TAS1R1: variants seen among roughly 807,000 people sequenced by gnomAD.
TAS1R1 encodes the protein taste receptor type 1 member 1.
In TAS1R1, 31 loss-of-function variants were observed where a neutral mutation model predicts 45.8. The ratio of observed to expected loss-of-function variants is 0.68; its 90% CI spans 0.51 to 0.91. The LOEUF is 0.91. Ranked by LOEUF, TAS1R1 falls within the 40% of genes least tolerant of loss-of-function variation. TAS1R1 has a pLI of 0.00. For synonymous variants in TAS1R1, 437 were observed against 448.4 expected, an observed-to-expected ratio of 0.97 and a Z score of 0.32; for missense variants, 1,051 against 1,063.9, an observed-to-expected ratio of 0.99 and a Z score of 0.17.
At chr1:6,573,520 C>A (rs1037872381) in intron 2 of TAS1R1, among the ~76,000 whole-genome samples, 1 of 152,108 alleles carries the variant, frequency 6.6e-6, no homozygotes, top group Non-Finnish European at 1.5e-5. Context: ...TTAGGGACTC[C>A]CTGTGGCTTA....
intron 1 of TAS1R1, among the ~76,000 whole-genome samples, chr1:6,558,098 G>A (rs1285341790): frequency 1.3e-5 from 2 of 149,328 alleles, no homozygotes. Context: ...TCATACTGGA[G>A]TCCAGTGGTA....
intron 1 of TAS1R1, among the ~76,000 whole-genome samples, chr1:6,565,000 G>C (rs913829106): frequency 6.6e-6 from 1 of 151,998 alleles, no homozygotes; most frequent in South Asian, 2.1e-4. Context: ...TGAATAGGTG[G>C]GGGGAGGAGA....
At chr1:6,556,730 G>C (rs999278087) in intron 1 of TAS1R1, among the ~76,000 whole-genome samples, 1 of 151,918 alleles carries the variant, frequency 6.6e-6, no homozygotes, top group Non-Finnish European at 1.5e-5. Context: ...GACAGTTGCA[G>C]CCGAGCACAG....
Position 6,575,170 on chromosome 1 carries a change from GA to G in TAS1R1, c.1040del (p.Lys347ArgfsTer37), listed in dbSNP as rs1640130599. On this transcript the variant is annotated frameshift_variant, in exon 3 of 6. Transcript: ENST00000333172. LOFTEE classifies it high-confidence loss of function. Reference protein sequence around the residue: ...FEEAYARADKKAPRPCHKGSW... With the variant: ...FEEAYARADKXAPRPCHKGSW... Reference sequence around the variant, plus strand: ...AAGAAGCCTATGCCCGGGCAGACAAGAAGGCCCCTAGGCCTTGCCACAAGGG... The same window carrying G: ...AAGAAGCCTATGCCCGGGCAGACAAGAGGCCCCTAGGCCTTGCCACAAGGG... 1.3e-6 allele frequency: 2 copies of G among 1,598,216 alleles called. No homozygotes were observed. Among genetic ancestry groups the G allele is most frequent in the Non-Finnish European group, 8.5e-7 (1 of 1,173,530 alleles).
intron 1 of TAS1R1, among the ~76,000 whole-genome samples, chr1:6,561,575 G>A (rs1302082126): frequency 6.6e-6 from 1 of 152,106 alleles, no homozygotes; most frequent in African/African-American, 2.4e-5. Flanking sequence ...AGCTGGACAT[G>A]GTGGTGGGCG....
At chr1:6,567,412 T>C (rs1394097953) in intron 1 of TAS1R1, among the ~76,000 whole-genome samples, 1 of 151,830 alleles carries the variant, frequency 6.6e-6, no homozygotes, top group Non-Finnish European at 1.5e-5. Flanking sequence ...TACAAAAAAT[T>C]AGCCAGGCGT....
intron 4 of TAS1R1, 30 bp from the exon 5 acceptor site, chr1:6,576,920 C>G: frequency 6.2e-7 from 1 of 1,614,186 alleles, no homozygotes; most frequent in Non-Finnish European, 8.5e-7. Flanking sequence ...GACTTGGGCC[C>G]CTACGTGTGG....
rs190670452 is a variant in TAS1R1, at chr1:6,565,077, G to C, written c.192-5832G>C. On this transcript the variant is annotated intron_variant, in intron 1 of 5. Transcript: ENST00000333172. ...TGGAAGGATTAGTGAGGAGATGTTA[G>C]AATTTCTATGAATAACTTCAGGATT... Among the ~76,000 whole-genome samples the C allele has an allele frequency of 5.9e-5, 9 of 152,220 alleles. No homozygotes were observed. The East Asian group carries it at 1.5e-3, about 26-fold the overall frequency.
chr1:6,560,018 G>C (rs897372512), intron 1 of TAS1R1, among the ~76,000 whole-genome samples: 1 of 111,980 alleles, frequency 8.9e-6, no homozygotes, highest in Admixed American at 9.3e-5. Context: ...AAAAAAAAAA[G>C]CCGGGTGCTA....
At position 6,579,060 on chromosome 1, in the gene TAS1R1, A is replaced by C. The variant is rs201676355; in HGVS notation, c.2002A>C (p.Thr668Pro). 6.2e-7 allele frequency: 1 copy of C among 1,613,274 alleles called. No individual in the cohort carries two copies. Residue 668 changes from threonine to proline, a missense_variant, in exon 6 of 6, where the codon ACA becomes CCA. Physicochemically the swap from Thr to Pro is conservative, Grantham distance 38. Coordinates refer to ENST00000333172, the MANE Select transcript of TAS1R1 (RefSeq NM_138697.4). ...CTTCAAGTTTTCCACCAAGGTACCT[A>C]CATTCTACCACGCCTGGGTCCAAAA... ...IIFKFSTKVPTFYHAWVQNHG... is the reference protein window; with the variant it reads ...IIFKFSTKVPPFYHAWVQNHG...
intron 1 of TAS1R1, among the ~76,000 whole-genome samples, chr1:6,567,343 G>A (rs1639891339): frequency 1.3e-5 from 2 of 152,000 alleles, no homozygotes; most frequent in African/African-American, 4.8e-5. Flanking sequence ...GGCGGATCAT[G>A]AGGTCAGGAG....
rs58759461 is a variant in TAS1R1, at chr1:6,559,998, CAA to C, written c.191+4452_191+4453del. 7.7e-3 allele frequency among the ~76,000 whole-genome samples: 749 copies of C among 97,818 alleles called. 5 individuals carry two copies. Among genetic ancestry groups the C allele is most frequent in the African/African-American group, 0.024 (590 of 25,092 alleles). The allele number at this position is 97,818 out of a possible 152,430, so 64.2% of individuals were successfully genotyped here. On this transcript the variant is annotated intron_variant, in intron 1 of 5. Coordinates refer to ENST00000333172, the MANE Select transcript of TAS1R1 (RefSeq NM_138697.4). ...AGGCAACAAGAGTGAAACTCTGTCTCAAAAAAAAAAAAAAAAAAAGCCGGGTG... is the reference window on the plus strand; with the variant it reads ...AGGCAACAAGAGTGAAACTCTGTCTCAAAAAAAAAAAAAAAAAGCCGGGTG...
In TAS1R1 at chr1:6,579,470, C is replaced by T. The variant is rs773938247; in HGVS notation, c.2412C>T (p.Phe804=). ...GGCTGAGCAGCCTGAGCAGCGGCTT[C>T]GGTGGGTATTTTCTGCCTAAGTGCT... ...MAGLSSLSSG[F]GGYFLPKCYV... The change falls in exon 6 of 6, where the codon TTC becomes TTT. Residue 804 remains phenylalanine, a synonymous_variant. Transcript: ENST00000333172. The T allele has an allele frequency of 1.9e-6, 3 of 1,614,066 alleles. No individual in the cohort carries two copies. The highest frequency in any genetic ancestry group is 1.3e-5 in the African/African-American group (1 of 75,060).
chr1:6,562,326 G>A (rs960181644), intron 1 of TAS1R1, among the ~76,000 whole-genome samples: 7 of 152,042 alleles, frequency 4.6e-5, no homozygotes, highest in African/African-American at 1.4e-4. Flanking sequence ...CCGCCACCAC[G>A]CCAGGCTAAT....
intron 1 of TAS1R1, among the ~76,000 whole-genome samples, chr1:6,563,997 A>G (rs969235490): frequency 2.6e-5 from 4 of 152,010 alleles, no homozygotes; most frequent in Admixed American, 2.0e-4. Context: ...TCAGGAGGAG[A>G]AGGAGGAGTC....
chr1:6,570,387 G>A (rs1284933957), intron 1 of TAS1R1, among the ~76,000 whole-genome samples: 2 of 150,616 alleles, frequency 1.3e-5, no homozygotes, highest in African/African-American at 2.4e-5. Flanking sequence ...AAAACAAAGC[G>A]AGGGGAACAT....
chr1:6,570,444 C>A (rs950735185), intron 1 of TAS1R1, among the ~76,000 whole-genome samples: 782 of 97,722 alleles, frequency 8.0e-3, no homozygotes, highest in African/African-American at 9.9e-3. Context: ...TAACACATCT[C>A]AAAAAAAAAA....
chr1:6,578,297 G>A (rs1161651344), intron 5 of TAS1R1, among the ~76,000 whole-genome samples: 1 of 152,200 alleles, frequency 6.6e-6, no homozygotes, highest in Non-Finnish European at 1.5e-5. Flanking sequence ...TGGAAATGCT[G>A]GCAAGAGAGA....
chr1:6,576,995 C>A lies in TAS1R1; in HGVS notation c.1519C>A (p.Arg507=). 1.2e-6 allele frequency: 2 copies of A among 1,614,254 alleles called. No homozygotes were observed. Among genetic ancestry groups the A allele is most frequent in the Non-Finnish European group, 8.5e-7 (1 of 1,180,040 alleles). ...CSSDCLEGHQ[R]VVTGFHHCCF... ...CAGCGACTGTCTTGAAGGGCACCAG[C>A]GAGTGGTTACGGGTTTCCATCACTG... Residue 507 remains arginine (R), a synonymous_variant, in exon 5 of 6, where the codon CGA becomes AGA. Transcript: ENST00000333172.
Sources: allele counts gnomAD v4.1 joint callset (sites outside exome capture counted in the v4.1 genomes callset), GRCh38; gene constraint gnomAD v4.1.1; transcripts MANE v1.5; gene names NCBI Gene and HGNC (gene_info 2026-07-23, HGNC 2026-07-21).